The following RSPO2 variants were observed in gnomAD, a reference collection of about 807,000 sequenced individuals.
RSPO2 encodes the protein R-spondin-2.
RSPO2 carries 14 observed loss-of-function variants against 30.9 expected under a neutral mutation model. The observed-to-expected ratio is 0.45, with a 90% CI of 0.30 to 0.71. The LOEUF (loss-of-function observed/expected upper bound fraction) is 0.71, where lower values mean the gene tolerates loss of function less well. RSPO2 is among the 30% of genes least tolerant of loss of function. The pLI, the probability that RSPO2 is intolerant of heterozygous loss-of-function variation, is 0.08. For synonymous variants in RSPO2, 107 were observed against 96.4 expected (o/e 1.11, Z -0.64); for missense variants, 264 against 301.9 (o/e 0.87, Z 0.93).
intron 2 of RSPO2, among the ~76,000 whole-genome samples, chr8:108,065,586 TAA>T (rs1812640784): frequency 2.6e-5 from 4 of 151,008 alleles, no homozygotes; most frequent in Admixed American, 2.0e-4. Context: ...AGCAATGAGC[TAA>T]GTTTTTAAAT....
chr8:107,976,560 C>T (rs1009941861), intron 3 of RSPO2, among the ~76,000 whole-genome samples: 4 of 152,178 alleles, frequency 2.6e-5, no homozygotes, highest in African/African-American at 7.2e-5. Flanking sequence ...AAGGCAGTAA[C>T]TTCTGGAAGC....
chr8:108,080,283 C>T (rs1029272784), intron 2 of RSPO2, among the ~76,000 whole-genome samples: 5 of 151,976 alleles, frequency 3.3e-5, no homozygotes, highest in Admixed American at 1.3e-4. Flanking sequence ...CTTTTAAGGA[C>T]GACAGTTATT....
intron 3 of RSPO2, among the ~76,000 whole-genome samples, chr8:107,981,130 A>T (rs1422506347): frequency 3.3e-5 from 5 of 152,248 alleles, no homozygotes; most frequent in Non-Finnish European, 7.3e-5. Flanking sequence ...ATGTGTGTCC[A>T]CAGTTGTCCA....
chr8:107,987,139 T>C (rs1450295780), intron 3 of RSPO2, among the ~76,000 whole-genome samples: 1 of 152,170 alleles, frequency 6.6e-6, no homozygotes, highest in Non-Finnish European at 1.5e-5. Flanking sequence ...TAGGATCAAG[T>C]TTGATTCTTT....
intron 5 of RSPO2, among the ~76,000 whole-genome samples, chr8:107,919,225 T>C (rs180860882): frequency 1.2e-3 from 185 of 152,164 alleles, no homozygotes; most frequent in Admixed American, 3.5e-3. Flanking sequence ...TTAGCCAACA[T>C]ATTAAGATTT....
chr8:108,076,757 AAG>A (rs920306821), intron 2 of RSPO2, among the ~76,000 whole-genome samples: 1 of 152,182 alleles, frequency 6.6e-6, no homozygotes, highest in African/African-American at 2.4e-5. Flanking sequence ...CTGAAGCTGA[AAG>A]AAAAAAAAAG....
At chr8:108,078,170 G>A (rs1389179019) in intron 2 of RSPO2, among the ~76,000 whole-genome samples, 1 of 152,156 alleles carries the variant, frequency 6.6e-6, no homozygotes, top group Non-Finnish European at 1.5e-5. Context: ...AAAGCCCAGG[G>A]CCTAGGGGAA....
intron 3 of RSPO2, chr8:107,983,508 G>A (rs745913350): frequency 2.5e-6 from 4 of 1,600,002 alleles, no homozygotes; most frequent in East Asian, 4.5e-5. Context: ...CTGAGATTCA[G>A]GGGATCTTTG....
At chr8:108,053,896 T>C (rs868027692) in intron 2 of RSPO2, among the ~76,000 whole-genome samples, 93 of 152,278 alleles carry the variant, frequency 6.1e-4, no homozygotes, top group African/African-American at 2.1e-3. Context: ...AGCGAGATCC[T>C]GTCTCTACCA....
intron 5 of RSPO2, among the ~76,000 whole-genome samples, chr8:107,939,412 G>T (rs1159423986): frequency 6.6e-6 from 1 of 151,462 alleles, no homozygotes; most frequent in South Asian, 2.1e-4. Context: ...AGACCAAAGG[G>T]CTCAATGATG....
chr8:108,004,448 G>A (rs1815382748), intron 2 of RSPO2, among the ~76,000 whole-genome samples: 1 of 152,168 alleles, frequency 6.6e-6, no homozygotes, highest in Non-Finnish European at 1.5e-5. Flanking sequence ...TATGTAATTA[G>A]AAAGCCTGAG....
chr8:108,045,861 A>G (rs1192513246), intron 2 of RSPO2, among the ~76,000 whole-genome samples: 1 of 152,202 alleles, frequency 6.6e-6, no homozygotes, highest in Non-Finnish European at 1.5e-5. Context: ...ACTCCGGAAT[A>G]TATCTCCAAC....
chr8:107,957,108 A>T (rs1813457391), intron 5 of RSPO2, among the ~76,000 whole-genome samples: 2 of 152,226 alleles, frequency 1.3e-5, no homozygotes, highest in Admixed American at 1.3e-4. Flanking sequence ...GATCATAGAC[A>T]TTCTCTATGA....
chr8:108,005,962 A>T (rs1438809153), intron 2 of RSPO2, among the ~76,000 whole-genome samples: 1 of 152,202 alleles, frequency 6.6e-6, no homozygotes, highest in Non-Finnish European at 1.5e-5. Flanking sequence ...GCAAAAACGA[A>T]AGGAGTCACT....
At chr8:107,998,044 T>TGCCAA (rs1815090640) in intron 2 of RSPO2, among the ~76,000 whole-genome samples, 1 of 152,230 alleles carries the variant, frequency 6.6e-6, no homozygotes, top group South Asian at 2.1e-4. Flanking sequence ...GCTGTTGGCA[T>TGCCAA]CTTAGCCTCA....
rs1037223515 is a variant in RSPO2, at chr8:107,989,352, T to A, written c.95-108A>T. On this transcript the variant is annotated intron_variant, in intron 2 of 5. Transcript: ENST00000276659. ...TTCTTTTCTTTCTGCTATACTCACA[T>A]AGAAATACTAAATAAAATATCCCTC... The A allele has an allele frequency of 3.0e-6, 2 of 676,488 alleles. No homozygotes were observed. The highest frequency in any genetic ancestry group is 3.7e-5 in the Admixed American group (1 of 27,084). 41.9% of individuals were successfully genotyped at this position (676,488 alleles called of 1,614,324 possible).
chr8:108,018,694 G>A (rs886294136), intron 2 of RSPO2, among the ~76,000 whole-genome samples: 20 of 152,096 alleles, frequency 1.3e-4, no homozygotes, highest in African/African-American at 4.6e-4. Flanking sequence ...AGAAAATCTG[G>A]ATAAATATTA....
At chr8:108,002,424 T>G (rs1815281470) in intron 2 of RSPO2, among the ~76,000 whole-genome samples, 1 of 152,212 alleles carries the variant, frequency 6.6e-6, no homozygotes. Context: ...AGAAATGGAA[T>G]GTAAGTGCCA....
intron 5 of RSPO2, among the ~76,000 whole-genome samples, chr8:107,905,213 A>G (rs1190660293): frequency 1.3e-5 from 2 of 152,124 alleles, no homozygotes; most frequent in Non-Finnish European, 2.9e-5. Flanking sequence ...CATCACTGGA[A>G]AAATGTTTCT....
Sources: gnomAD v4.1 joint callset for allele counts (sites outside exome capture counted in the v4.1 genomes callset) on GRCh38, gnomAD v4.1.1 for gene constraint, MANE v1.5 for transcripts, NCBI Gene and HGNC (gene_info 2026-07-23, HGNC 2026-07-21) for gene names.